The following ME3 variants were observed in gnomAD, a reference collection of about 807,000 sequenced individuals.
The protein encoded by ME3 is NADP-dependent malic enzyme, mitochondrial.
In ME3, 48 loss-of-function variants were observed where a neutral mutation model predicts 68.9. That is an observed-to-expected ratio of 0.70 (90% CI 0.55 to 0.89). ME3 has a LOEUF of 0.89. Among genes scored for constraint, ME3 ranks in the 40% least tolerant of loss-of-function variants. The pLI is 0.00. For missense variants in ME3, 675 were observed against 797.4 expected (o/e 0.85, Z 1.85); for synonymous variants, 320 against 318.8 (o/e 1.00, Z -0.04).
At chr11:86,625,823 T>G (rs1943629072) in intron 2 of ME3, among the ~76,000 whole-genome samples, 1 of 152,222 alleles carries the variant, frequency 6.6e-6, no homozygotes, top group South Asian at 2.1e-4. Flanking sequence ...GTCTGGTTCT[T>G]CTGCTTTCTA....
At chr11:86,621,757 C>A (rs1385888295) in intron 2 of ME3, among the ~76,000 whole-genome samples, 1 of 151,856 alleles carries the variant, frequency 6.6e-6, no homozygotes, top group Non-Finnish European at 1.5e-5. Context: ...ACATTCAAAT[C>A]ATAATTACAA....
chr11:86,509,732 A>G lies in ME3; in HGVS notation c.468-865T>C, dbSNP rs1471547729. ...ACCCAAATTATTGGCTGACCACTAA[A>G]CTATGCACACACAGGGGGATTGGCA... is the stretch of plus-strand genomic sequence containing the variant. On this transcript the variant is annotated intron_variant, in intron 4 of 14. Coordinates refer to ENST00000543262, the Ensembl canonical transcript of ME3. Among the ~76,000 whole-genome samples the G allele has an allele frequency of 2.0e-5, 3 of 149,370 alleles. No homozygotes were observed. The Admixed American group carries it at 2.0e-4, about 10-fold the overall frequency.
downstream of ME3, among the ~76,000 whole-genome samples, chr11:86,439,218 G>T (rs879381143): frequency 6.6e-6 from 1 of 152,122 alleles, no homozygotes; most frequent in Non-Finnish European, 1.5e-5. Context: ...GGCACCCTGT[G>T]GTGCCGTAAA....
chr11:86,652,774 G>C (rs896818172), intron 2 of ME3, among the ~76,000 whole-genome samples: 2 of 152,126 alleles, frequency 1.3e-5, no homozygotes, highest in Non-Finnish European at 2.9e-5. Flanking sequence ...TGGGCTAAAT[G>C]CTCCAATTGA....
intron 2 of ME3, among the ~76,000 whole-genome samples, chr11:86,574,426 ATGT>A (rs1165710991): frequency 2.5e-5 from 3 of 120,412 alleles, no homozygotes; most frequent in Admixed American, 9.4e-5. Context: ...TTTTTTGTTG[ATGT>A]TGTTGTTGTT....
intron 4 of ME3, among the ~76,000 whole-genome samples, chr11:86,542,012 G>C (rs1956077118): frequency 6.6e-6 from 1 of 152,200 alleles, no homozygotes. Flanking sequence ...CAGGCAAACA[G>C]GGTCTGGAGT....
At chr11:86,611,118 ATTAAG>A (rs902964441) in intron 2 of ME3, among the ~76,000 whole-genome samples, 8 of 152,208 alleles carry the variant, frequency 5.3e-5, no homozygotes, top group African/African-American at 1.4e-4. Context: ...CCTGGAGGAC[ATTAAG>A]TTAAGTGAAA....
intron 2 of ME3, among the ~76,000 whole-genome samples, chr11:86,671,153 C>A (rs1946910124): frequency 6.6e-6 from 1 of 152,184 alleles, no homozygotes; most frequent in South Asian, 2.1e-4. Context: ...GGGCAAGTTT[C>A]CTTTGTCTTG....
At chr11:86,471,619 T>G (rs535202008) in intron 7 of ME3, among the ~76,000 whole-genome samples, 1 of 152,366 alleles carries the variant, frequency 6.6e-6, no homozygotes, top group Admixed American at 6.5e-5. Flanking sequence ...GCAAGTTATC[T>G]TCTTTGTGCC....
Position 86,639,921 on chromosome 11 carries a change from T to C in ME3, c.183+31841A>G, listed in dbSNP as rs544213446. Among the ~76,000 whole-genome samples the C allele has an allele frequency of 7.2e-5, 11 of 152,280 alleles. No homozygotes were observed. The East Asian group carries it at 7.7e-4, about 11-fold the overall frequency. ...ATTGGGGGCAGGATGTATGAGACAA[T>C]TGAGTGAGCAGAGCTGATGGGAATC... On this transcript the variant is annotated intron_variant, in intron 2 of 14. Coordinates refer to ENST00000543262, the Ensembl canonical transcript of ME3.
intron 2 of ME3, among the ~76,000 whole-genome samples, chr11:86,658,855 A>G (rs963479955): frequency 6.6e-6 from 1 of 152,152 alleles, no homozygotes; most frequent in Non-Finnish European, 1.5e-5. Flanking sequence ...GGTGGATTTA[A>G]AAGTCTGTTT....
rs1046662118 is a variant in ME3, at chr11:86,567,487, A to T, written c.184-7664T>A. Among the ~76,000 whole-genome samples, 9 of 152,334 alleles carry T rather than the reference A, an allele frequency of 5.9e-5. 1 individual carries two copies. In the South Asian group the frequency reaches 1.7e-3, roughly 28 times the overall value. On this transcript the variant is annotated intron_variant, in intron 2 of 14. Transcript: ENST00000543262. Reference sequence around the variant, plus strand: ...GCGACTGTTCACTGCCTCGGTAAAGACTATGATCATCTTTCCTTGGCTCAG... The same window carrying T: ...GCGACTGTTCACTGCCTCGGTAAAGTCTATGATCATCTTTCCTTGGCTCAG...
intron 4 of ME3, among the ~76,000 whole-genome samples, chr11:86,545,463 A>G (rs1956305744): frequency 6.6e-6 from 1 of 152,264 alleles, no homozygotes; most frequent in Non-Finnish European, 1.5e-5. Flanking sequence ...AAGCAACTTC[A>G]GCAAAGTCTC....
At chr11:86,559,566 TG>T in intron 3 of ME3, 123 bp downstream of exon 3, 1 of 1,213,834 alleles carries the variant, frequency 8.2e-7, no homozygotes, top group Non-Finnish European at 1.1e-6. Context: ...GGGCTGAGTC[TG>T]GGATCTCTTT....
chr11:86,527,816 G>A (rs1318045065), intron 4 of ME3, among the ~76,000 whole-genome samples: 2 of 152,204 alleles, frequency 1.3e-5, no homozygotes, highest in Non-Finnish European at 2.9e-5. Flanking sequence ...GAGAGATTTT[G>A]TCACCACCAG....
Position 86,580,494 on chromosome 11 carries a change from A to G in ME3, c.184-20671T>C, listed in dbSNP as rs1387555279. 2.6e-5 allele frequency among the ~76,000 whole-genome samples: 4 copies of G among 152,226 alleles called. No homozygotes were observed. In the East Asian group the frequency reaches 7.7e-4, roughly 29 times the overall value. ...TGGGTCATCATTGAATAGTATGGAA[A>G]TTTTAATTTGCTTTTATAGATGAAT... On this transcript the variant is annotated intron_variant, in intron 2 of 14. Transcript: ENST00000543262.
downstream of ME3, chr11:86,436,845 A>G (rs1461194211): frequency 6.6e-6 from 1 of 152,196 alleles, no homozygotes. Flanking sequence ...TTTGATTAAA[A>G]TTGATGATCA....
chr11:86,442,733 T>A (rs537148912), intron 14 of ME3, 88 bp downstream of exon 14: 14 of 1,116,384 alleles, frequency 1.3e-5, no homozygotes, highest in Non-Finnish European at 1.6e-5. Context: ...GTCTCCACAG[T>A]TTCCATCCCC....
At chr11:86,605,101 A>T (rs1026406865) in intron 2 of ME3, among the ~76,000 whole-genome samples, 2 of 152,222 alleles carry the variant, frequency 1.3e-5, no homozygotes, top group African/African-American at 4.8e-5. Flanking sequence ...ATCATAACGT[A>T]TGTGAATTTT....
Sources: allele counts gnomAD v4.1 joint callset (sites outside exome capture counted in the v4.1 genomes callset), GRCh38; gene constraint gnomAD v4.1.1; transcripts MANE v1.5; gene names NCBI Gene and HGNC (gene_info 2026-07-23, HGNC 2026-07-21).